KLHL5: variants seen among roughly 807,000 people sequenced by gnomAD.
KLHL5 encodes the protein kelch like family member 5.
KLHL5 carries 48 observed loss-of-function variants against 77.7 expected under a neutral mutation model. The observed-to-expected ratio is 0.62, with a 90% CI of 0.49 to 0.79. The LOEUF is 0.79. KLHL5 is among the 30% of genes least tolerant of loss of function. The pLI is 0.00. For synonymous variants in KLHL5, 260 were observed against 297.0 expected, an observed-to-expected ratio of 0.88 and a Z score of 1.28; for missense variants, 723 against 859.7, an observed-to-expected ratio of 0.84 and a Z score of 1.99.
upstream of KLHL5, chr4:39,044,980 G>A (rs1421134569): frequency 2.0e-6 from 2 of 989,172 alleles, no homozygotes; most frequent in Non-Finnish European, 2.4e-6. Flanking sequence ...GTCTAGGGGC[G>A]CGCGAGGGGC....
At chr4:39,047,088 T>G (rs1716246858) in intron 1 of KLHL5, among the ~76,000 whole-genome samples, 1 of 152,224 alleles carries the variant, frequency 6.6e-6, no homozygotes, top group African/African-American at 2.4e-5. Context: ...TCTATATGAC[T>G]ATGTAACACA....
downstream of KLHL5, among the ~76,000 whole-genome samples, chr4:39,127,814 G>A (rs532130387): frequency 1.3e-5 from 2 of 152,250 alleles, no homozygotes; most frequent in South Asian, 2.1e-4. Context: ...GGTAGCTGGA[G>A]TGATGAGGTT....
the KLHL5 span, among the ~76,000 whole-genome samples, chr4:39,133,689 C>A: frequency 6.6e-6 from 1 of 151,652 alleles, no homozygotes; most frequent in Non-Finnish European, 1.5e-5. Flanking sequence ...GAGAAAAATG[C>A]CCAATATAAT....
chr4:39,091,761 C>T (rs1307726537), intron 5 of KLHL5, among the ~76,000 whole-genome samples: 2 of 147,768 alleles, frequency 1.4e-5, no homozygotes, highest in Non-Finnish European at 3.0e-5. Flanking sequence ...GCCTCAAACT[C>T]CTGGGCTCAA....
At chr4:39,101,126 T>TATACATATATATATATATGTA (rs1553892884) in intron 6 of KLHL5, among the ~76,000 whole-genome samples, 1 of 134,844 alleles carries the variant, frequency 7.4e-6, no homozygotes, top group Non-Finnish European at 1.6e-5. Flanking sequence ...TATTTGGATT[T>TATACATATATATATATATGTA]TATATATATA....
chr4:39,082,190 T>A, intron 4 of KLHL5, 31 bp downstream of exon 4: 1 of 1,499,060 alleles, frequency 6.7e-7, no homozygotes, highest in Non-Finnish European at 9.1e-7. Flanking sequence ...AGAAAGTCGA[T>A]CCTCCATATG....
At position 39,103,514 on chromosome 4, in the gene KLHL5, A is replaced by G; in HGVS notation, c.1525+3A>G. 4.4e-6 allele frequency: 7 copies of G among 1,608,546 alleles called. No homozygotes were observed. Among genetic ancestry groups the G allele is most frequent in the Non-Finnish European group, 6.0e-6 (7 of 1,174,958 alleles). ...GTCCACACATAGACATGGCCTTGGT[A>G]AGTACAACTATGCAGATTCACTCAA... is the stretch of plus-strand genomic sequence containing the variant. On this transcript the variant is annotated splice_donor_region_variant and intron_variant, in intron 7 of 10. Coordinates refer to ENST00000504108, the MANE Select transcript of KLHL5 (RefSeq NM_015990.5).
chr4:39,055,187 G>A (rs934560508), intron 1 of KLHL5, among the ~76,000 whole-genome samples: 1 of 152,138 alleles, frequency 6.6e-6, no homozygotes, highest in Non-Finnish European at 1.5e-5. Flanking sequence ...AGACTACTAG[G>A]GGTCCTCAAG....
chr4:39,075,677 G>C (rs544287490), intron 1 of KLHL5, among the ~76,000 whole-genome samples: 30 of 152,094 alleles, frequency 2.0e-4, no homozygotes, highest in Non-Finnish European at 3.7e-4. Flanking sequence ...CTCTTTTTCA[G>C]CAGAGACATT....
At chr4:39,115,535 A>G (rs970271010) in intron 10 of KLHL5, 3 of 1,466,312 alleles carry the variant, frequency 2.0e-6, no homozygotes, top group Non-Finnish European at 2.7e-6. Context: ...GATGTAAGTT[A>G]ATACTCAGAG....
chr4:39,075,983 G>C lies in KLHL5; in HGVS notation c.402G>C (p.Gln134His). The C allele has an allele frequency of 6.2e-7, 1 of 1,610,270 alleles. No individual in the cohort carries two copies. The highest frequency in any genetic ancestry group is 8.5e-7 in the Non-Finnish European group (1 of 1,178,836). The change falls in exon 2 of 11, where the codon CAG becomes CAC. Residue 134 changes from glutamine to histidine, a missense_variant. By Grantham distance (24) the Gln-to-His change is conservative. Coordinates refer to ENST00000504108, the MANE Select transcript of KLHL5 (RefSeq NM_015990.5). ...TTTTCAGGACTTCCAATAGTAGTCA[G>C]ACATTATCATCCTGTCATACTATGG... ...SSSCRTSNSSQTLSSCHTMEP... is the reference protein window; with the variant it reads ...SSSCRTSNSSHTLSSCHTMEP...
chr4:39,104,999 G>A (rs981494763), intron 7 of KLHL5, among the ~76,000 whole-genome samples: 8 of 151,982 alleles, frequency 5.3e-5, no homozygotes, highest in African/African-American at 9.7e-5. Context: ...TCTTGACCTC[G>A]TAATCTACCC....
intron 10 of KLHL5, among the ~76,000 whole-genome samples, chr4:39,120,439 G>A (rs958747846): frequency 3.3e-5 from 5 of 152,310 alleles, no homozygotes; most frequent in African/African-American, 1.2e-4. Context: ...GGAGTTGGAT[G>A]GGTAGCATTT....
rs1717513114 is a variant in KLHL5, at chr4:39,062,553, GTACAGCAGGGCATA to G, written c.-96_-83del. 6.8e-6 allele frequency: 11 copies of G among 1,612,810 alleles called. No homozygotes were observed. The highest frequency in any genetic ancestry group is 9.3e-6 in the Non-Finnish European group (11 of 1,178,934). ...ATTTTCCTTTACATATTTTTGTTGTGTACAGCAGGGCATATACTTCTCTTGTCTTGGTTGGATGC... is the reference window on the plus strand; with the variant it reads ...ATTTTCCTTTACATATTTTTGTTGTGTACTTCTCTTGTCTTGGTTGGATGC... On this transcript the variant is annotated 5_prime_UTR_variant, in exon 1 of 11. Transcript: ENST00000504108.
chr4:39,092,013 G>A (rs2109440261), intron 5 of KLHL5, among the ~76,000 whole-genome samples: 1 of 151,984 alleles, frequency 6.6e-6, no homozygotes, highest in African/African-American at 2.4e-5. Flanking sequence ...CATCTATAGA[G>A]TTAATAAATT....
At chr4:39,075,060 G>A (rs923622235) in intron 1 of KLHL5, among the ~76,000 whole-genome samples, 3 of 152,034 alleles carry the variant, frequency 2.0e-5, no homozygotes, top group African/African-American at 7.2e-5. Flanking sequence ...AGGTGGGTGC[G>A]GTGGCTCACA....
downstream of KLHL5, among the ~76,000 whole-genome samples, chr4:39,131,731 T>C (rs2109670786): frequency 6.6e-6 from 1 of 151,554 alleles, no homozygotes; most frequent in Non-Finnish European, 1.5e-5. Context: ...CTACAAAAAA[T>C]ACAAAAATTA....
chr4:39,046,439 A>G (rs1246689242), intron 1 of KLHL5, among the ~76,000 whole-genome samples: 1 of 152,172 alleles, frequency 6.6e-6, no homozygotes, highest in Non-Finnish European at 1.5e-5. Flanking sequence ...AAAGAGAAAA[A>G]GGAACAACAT....
intron 6 of KLHL5, among the ~76,000 whole-genome samples, chr4:39,102,393 A>G (rs1216712858): frequency 1.3e-5 from 2 of 151,094 alleles, no homozygotes; most frequent in African/African-American, 4.9e-5. Flanking sequence ...TTAAAAAAAA[A>G]AAAAAAGAAA....
Sources: gnomAD v4.1 joint callset for allele counts (sites outside exome capture counted in the v4.1 genomes callset) on GRCh38, gnomAD v4.1.1 for gene constraint, MANE v1.5 for transcripts, NCBI Gene and HGNC (gene_info 2026-07-23, HGNC 2026-07-21) for gene names.